SLIT3: variants seen among roughly 807,000 people sequenced by gnomAD.
The protein encoded by SLIT3 is slit homolog 3 protein.
A neutral mutation model predicts 184.0 loss-of-function variants in SLIT3; 68 were observed. That is an observed-to-expected ratio of 0.37 (90% CI 0.30 to 0.45). The LOEUF is 0.45. SLIT3 is among the 20% of genes least tolerant of loss of function. The pLI is 1.00. For synonymous variants in SLIT3, 831 were observed against 828.6 expected, an observed-to-expected ratio of 1.00 and a Z score of -0.05; for missense variants, 1,707 against 2,026.0, an observed-to-expected ratio of 0.84 and a Z score of 3.02.
chr5:168,820,702 C>T (rs990989958), intron 7 of SLIT3, among the ~76,000 whole-genome samples: 6 of 152,158 alleles, frequency 3.9e-5, no homozygotes, highest in African/African-American at 1.4e-4. Flanking sequence ...CTGATGGACA[C>T]ATCATATTCC....
intron 4 of SLIT3, among the ~76,000 whole-genome samples, chr5:169,040,064 G>A (rs1757394831): frequency 6.6e-6 from 1 of 152,168 alleles, no homozygotes; most frequent in Non-Finnish European, 1.5e-5. Flanking sequence ...AGACCATTTA[G>A]ATGAGATATA....
At chr5:168,920,744 C>A (rs1352250901) in intron 4 of SLIT3, among the ~76,000 whole-genome samples, 4 of 152,168 alleles carry the variant, frequency 2.6e-5, no homozygotes, top group African/African-American at 9.6e-5. Flanking sequence ...ACAAGTCAGT[C>A]TGTCAGTCTG....
intron 4 of SLIT3, among the ~76,000 whole-genome samples, chr5:169,055,264 T>C (rs1422043828): frequency 6.6e-6 from 1 of 152,206 alleles, no homozygotes; most frequent in African/African-American, 2.4e-5. Context: ...GAACTTTCTA[T>C]TGTAGATTAG....
At chr5:168,943,465 A>G (rs1762383137) in intron 4 of SLIT3, among the ~76,000 whole-genome samples, 1 of 152,202 alleles carries the variant, frequency 6.6e-6, no homozygotes. Context: ...TGTAAACTGA[A>G]TTCATGCTAG....
At chr5:169,109,673 AG>A (rs1294364671) in intron 4 of SLIT3, among the ~76,000 whole-genome samples, 1 of 152,180 alleles carries the variant, frequency 6.6e-6, no homozygotes, top group East Asian at 1.9e-4. Flanking sequence ...GACTAAGTTT[AG>A]GCACTACCAT....
At chr5:169,294,187 C>T (rs540541251) in intron 1 of SLIT3, among the ~76,000 whole-genome samples, 4 of 148,142 alleles carry the variant, frequency 2.7e-5, no homozygotes, top group African/African-American at 5.0e-5. Flanking sequence ...TTCAAGTAAA[C>T]ACAGTAATAG....
At chr5:169,239,550 T>C (rs925458849) in intron 3 of SLIT3, among the ~76,000 whole-genome samples, 9 of 152,086 alleles carry the variant, frequency 5.9e-5, no homozygotes, top group Non-Finnish European at 1.0e-4. Context: ...TCATTTACTC[T>C]TTAAAATCAT....
chr5:168,972,027 G>T (rs1446330159), intron 4 of SLIT3, among the ~76,000 whole-genome samples: 1 of 152,246 alleles, frequency 6.6e-6, no homozygotes, highest in Non-Finnish European at 1.5e-5. Context: ...ATGGTGATGG[G>T]AAGTATTTGG....
At chr5:169,099,298 G>A (rs576254775) in intron 4 of SLIT3, among the ~76,000 whole-genome samples, 1 of 152,070 alleles carries the variant, frequency 6.6e-6, no homozygotes, top group Non-Finnish European at 1.5e-5. Context: ...ATACAAACCT[G>A]GCAGGATGGT....
intron 4 of SLIT3, among the ~76,000 whole-genome samples, chr5:168,932,007 C>G (rs79067750): frequency 0.032 from 4,933 of 152,222 alleles, 123 homozygotes; most frequent in African/African-American, 0.059. Flanking sequence ...CCTGACTCTG[C>G]CAAGTCTGTA....
intron 4 of SLIT3, among the ~76,000 whole-genome samples, chr5:169,057,978 A>T (rs1758061179): frequency 1.3e-5 from 2 of 152,242 alleles, no homozygotes; most frequent in African/African-American, 4.8e-5. Context: ...TCAGCTATAG[A>T]AAATACCCAG....
chr5:168,685,616 C>G, intron 31 of SLIT3, 71 bp downstream of exon 31: 1 of 1,488,146 alleles, frequency 6.7e-7, no homozygotes. Context: ...GGCATTCCAG[C>G]AATTTTCTGA....
At chr5:168,668,145 C>T (rs1279291411) in intron 35 of SLIT3, among the ~76,000 whole-genome samples, 2 of 152,148 alleles carry the variant, frequency 1.3e-5, no homozygotes, top group African/African-American at 4.8e-5. Flanking sequence ...AAAGATCCCC[C>T]AAGGTAAGAC....
At chr5:169,231,162 T>A (rs10079601) in intron 3 of SLIT3, among the ~76,000 whole-genome samples, 1 of 152,096 alleles carries the variant, frequency 6.6e-6, no homozygotes, top group African/African-American at 2.4e-5. Flanking sequence ...GTCAGAGCCA[T>A]GCATGAAATT....
chr5:169,220,929 G>A (rs1260272449), intron 3 of SLIT3, among the ~76,000 whole-genome samples: 1 of 152,088 alleles, frequency 6.6e-6, no homozygotes, highest in Admixed American at 6.5e-5. Context: ...AGCCCCTTCT[G>A]GCATCTGACC....
chr5:169,115,207 A>C (rs933778369), intron 4 of SLIT3, among the ~76,000 whole-genome samples: 10 of 152,186 alleles, frequency 6.6e-5, no homozygotes, highest in Admixed American at 3.9e-4. Context: ...CTAAGTGGGT[A>C]AAGGGAGGCA....
At chr5:168,942,227 C>T (rs1012628385) in intron 4 of SLIT3, among the ~76,000 whole-genome samples, 6 of 152,268 alleles carry the variant, frequency 3.9e-5, no homozygotes, top group Admixed American at 2.6e-4. Flanking sequence ...AAACTCCATG[C>T]TGAAGAGGGT....
intron 4 of SLIT3, among the ~76,000 whole-genome samples, chr5:168,947,321 T>C (rs1288596211): frequency 6.6e-6 from 1 of 152,156 alleles, no homozygotes; most frequent in African/African-American, 2.4e-5. Context: ...CCTGTGGGTG[T>C]CATCTCTGCA....
intron 5 of SLIT3, among the ~76,000 whole-genome samples, chr5:168,868,429 T>G (rs1235364291): frequency 1.3e-5 from 2 of 152,158 alleles, no homozygotes; most frequent in Non-Finnish European, 2.9e-5. Flanking sequence ...CAGCTGGAAC[T>G]ATAGGTTCAT....
Sources: gnomAD v4.1 joint callset for allele counts (sites outside exome capture counted in the v4.1 genomes callset) on GRCh38, gnomAD v4.1.1 for gene constraint, MANE v1.5 for transcripts, NCBI Gene and HGNC (gene_info 2026-07-23, HGNC 2026-07-21) for gene names.